FAM167A: variants seen among roughly 807,000 people sequenced by gnomAD.
FAM167A encodes family with sequence similarity 167 member A, also known as protein FAM167A.
Under a neutral mutation model 14.9 loss-of-function variants are expected in FAM167A, and 23 were observed. The observed-to-expected ratio is 1.55, with a 90% confidence interval of 1.11 to 2.19. The LOEUF is 2.19. Ranked by LOEUF, FAM167A falls within the 30% of genes most tolerant of loss-of-function variation. The pLI is 0.00. For missense variants in FAM167A, 401 were observed against 281.5 expected (o/e 1.42, Z -3.04); for synonymous variants, 174 against 117.7 (o/e 1.48, Z -3.10).
chr8:11,425,793 C>T (rs560937132), intron 2 of FAM167A, among the ~76,000 whole-genome samples: 1 of 132,632 alleles, frequency 7.5e-6, no homozygotes, highest in East Asian at 1.9e-4. Context: ...GGTATAGCGT[C>T]ACATAACAGG....
At chr8:11,433,209 A>AT (rs1276411106) in intron 2 of FAM167A, among the ~76,000 whole-genome samples, 1 of 151,864 alleles carries the variant, frequency 6.6e-6, no homozygotes, top group Non-Finnish European at 1.5e-5. Flanking sequence ...TATGATAAAA[A>AT]AAAATAAAAA....
At chr8:11,445,853 G>A (rs1490195280) in intron 1 of FAM167A, among the ~76,000 whole-genome samples, 1 of 151,990 alleles carries the variant, frequency 6.6e-6, no homozygotes, top group Non-Finnish European at 1.5e-5. Context: ...GGGACATGCA[G>A]CTATAAAAAA....
intron 1 of FAM167A, among the ~76,000 whole-genome samples, chr8:11,457,448 G>A (rs1187637818): frequency 1.3e-5 from 2 of 151,936 alleles, no homozygotes; most frequent in African/African-American, 2.4e-5. Flanking sequence ...CTGGGCCACA[G>A]GATGGAGCCC....
intron 2 of FAM167A, among the ~76,000 whole-genome samples, chr8:11,430,597 A>G (rs1342243253): frequency 6.6e-6 from 1 of 152,214 alleles, no homozygotes; most frequent in African/African-American, 2.4e-5. Flanking sequence ...TTTAAACACC[A>G]ATTAAAGAAA....
intron 1 of FAM167A, among the ~76,000 whole-genome samples, chr8:11,473,188 G>C (rs561928365): frequency 6.6e-6 from 1 of 152,216 alleles, no homozygotes; most frequent in African/African-American, 2.4e-5. Context: ...AGTGATGCAG[G>C]AGCGAGGACA....
chr8:11,428,202 G>C (rs1805318663), intron 2 of FAM167A, among the ~76,000 whole-genome samples: 1 of 152,204 alleles, frequency 6.6e-6, no homozygotes, highest in South Asian at 2.1e-4. Flanking sequence ...GTGTGGCCAG[G>C]TGTCTAAGAC....
In FAM167A at chr8:11,424,534, T is replaced by G. The variant is rs1322534416; in HGVS notation, c.484A>C (p.Arg162=). ...TCGTAGGTGGCATCGTTGAGCATCC[T>G]CCTGTGGAGGCGGCAGGTGTGTTCG... is the stretch of plus-strand genomic sequence containing the variant. ...KIEHTCRLHR[R]MLNDATYELE... is the part of the protein sequence containing the mutation. The change falls in exon 3 of 3, where the codon AGG becomes CGG. Residue 162 remains arginine (R), a synonymous_variant. Coordinates refer to ENST00000284486, the MANE Select transcript of FAM167A (RefSeq NM_053279.3). 2 of 1,614,040 alleles carry G rather than the reference T, an allele frequency of 1.2e-6. No homozygotes were observed. The highest frequency in any genetic ancestry group is 2.2e-5 in the East Asian group (1 of 44,886).
intron 2 of FAM167A, among the ~76,000 whole-genome samples, chr8:11,439,394 C>A (rs975438917): frequency 6.6e-6 from 1 of 152,266 alleles, no homozygotes; most frequent in African/African-American, 2.4e-5. Context: ...GGGCTGTCCC[C>A]TGACATACCA....
At chr8:11,435,646 CA>C (rs1230597363) in intron 2 of FAM167A, among the ~76,000 whole-genome samples, 1 of 152,178 alleles carries the variant, frequency 6.6e-6, no homozygotes, top group East Asian at 1.9e-4. Flanking sequence ...TGTGGAGAGG[CA>C]GCCAGTAGAA....
chr8:11,458,515 C>G (rs900780949), intron 1 of FAM167A, among the ~76,000 whole-genome samples: 1 of 152,186 alleles, frequency 6.6e-6, no homozygotes, highest in Admixed American at 6.5e-5. Context: ...CTGCCCATCA[C>G]CCCTGCCCCA....
At chr8:11,468,779 T>C (rs1585287826), upstream of FAM167A, among the ~76,000 whole-genome samples, 2 of 152,174 alleles carry the variant, frequency 1.3e-5, no homozygotes, top group Non-Finnish European at 2.9e-5. Flanking sequence ...TTTCTGGGAG[T>C]GCAGATGCTT....
At chr8:11,455,593 T>G (rs1807216156) in intron 1 of FAM167A, among the ~76,000 whole-genome samples, 1 of 135,686 alleles carries the variant, frequency 7.4e-6, no homozygotes, top group Non-Finnish European at 1.6e-5. Context: ...TGTGGGATGG[T>G]TGCCTCACCT....
chr8:11,445,617 T>G (rs1806740333), intron 1 of FAM167A: 2 of 985,064 alleles, frequency 2.0e-6, no homozygotes, highest in Non-Finnish European at 2.4e-6. Context: ...GGCCTCCCCA[T>G]CTCCAGAGAG....
intron 2 of FAM167A, among the ~76,000 whole-genome samples, chr8:11,439,506 G>A (rs1045755618): frequency 3.9e-5 from 6 of 152,272 alleles, no homozygotes; most frequent in Admixed American, 2.0e-4. Context: ...GGCCAGCTGA[G>A]TTTAGGTCAC....
chr8:11,442,553 G>C (rs114171760), intron 2 of FAM167A, among the ~76,000 whole-genome samples: 28 of 152,288 alleles, frequency 1.8e-4, no homozygotes, highest in African/African-American at 6.3e-4. Flanking sequence ...CCAACAAATA[G>C]TATCTTTGAT....
upstream of FAM167A, among the ~76,000 whole-genome samples, chr8:11,471,787 G>C (rs555658144): frequency 6.6e-6 from 1 of 152,252 alleles, no homozygotes. Context: ...TAGGGCCCAG[G>C]GATCTCCTGC....
intron 1 of FAM167A, among the ~76,000 whole-genome samples, chr8:11,464,453 C>A (rs1430746034): frequency 6.6e-6 from 1 of 152,162 alleles, no homozygotes; most frequent in South Asian, 2.1e-4. Flanking sequence ...TGCTCCCCAC[C>A]TCCCCCTGCC....
intron 1 of FAM167A, among the ~76,000 whole-genome samples, chr8:11,456,001 G>C (rs1807258933): frequency 7.9e-6 from 1 of 125,846 alleles, no homozygotes; most frequent in South Asian, 2.8e-4. Flanking sequence ...CTGGGTATGA[G>C]TGGGAGTGTA....
At chr8:11,453,395 G>A (rs560270862) in intron 1 of FAM167A, among the ~76,000 whole-genome samples, 1 of 152,338 alleles carries the variant, frequency 6.6e-6, no homozygotes, top group East Asian at 1.9e-4. Context: ...CACTCAATAT[G>A]TGCCAGGCAC....
Sources: gnomAD v4.1 joint callset for allele counts (sites outside exome capture counted in the v4.1 genomes callset) on GRCh38, gnomAD v4.1.1 for gene constraint, MANE v1.5 for transcripts, NCBI Gene and HGNC (gene_info 2026-07-23, HGNC 2026-07-21) for gene names.